Variants in FAS observed in about 807,000 individuals in gnomAD.
FAS encodes the protein tumor necrosis factor receptor superfamily member 6.
A neutral mutation model predicts 33.2 loss-of-function variants in FAS; 5 were observed. That is an observed-to-expected ratio of 0.15 (90% CI 0.08 to 0.32). FAS has a LOEUF of 0.32. Ranked by LOEUF, FAS falls within the 10% of genes least tolerant of loss-of-function variation. FAS has a pLI of 1.00. For missense variants in FAS, 339 were observed against 386.0 expected (o/e 0.88, Z 1.02); for synonymous variants, 131 against 130.7 (o/e 1.00, Z -0.01).
upstream of FAS, chr10:88,989,381 G>T: frequency 1.6e-5 from 6 of 367,234 alleles, no homozygotes; most frequent in Non-Finnish European, 2.2e-5. Context: ...TTTTGGAATA[G>T]TTTTAGGATT....
At chr10:88,968,804 T>G (rs1846368916) in intron 1 of FAS, among the ~76,000 whole-genome samples, 1 of 152,204 alleles carries the variant, frequency 6.6e-6, no homozygotes, top group South Asian at 2.1e-4. Flanking sequence ...CCATAATGTG[T>G]GCATGTTAAA....
chr10:88,991,314 A>C, intron 1 of FAS: 1 of 359,352 alleles, frequency 2.8e-6, no homozygotes, highest in Non-Finnish European at 5.3e-6. Context: ...CTCCTGGACA[A>C]GCCCTGACAA....
intron 2 of FAS, among the ~76,000 whole-genome samples, chr10:88,981,121 G>C (rs988836106): frequency 5.3e-5 from 8 of 152,206 alleles, no homozygotes; most frequent in Non-Finnish European, 7.3e-5. Context: ...ATCCAAGAGA[G>C]AGCGGGGCCA....
At position 89,014,142 on chromosome 10, in the gene FAS, A is replaced by G. The variant is rs962274229; in HGVS notation, c.700A>G (p.Thr234Ala). ...LSDVDLSKYI[T>A]TIAGVMTLSQ... Reference sequence around the variant, plus strand: ...AGATGTTGACTTGAGTAAATATATCACCACTATTGCTGGAGTCATGACACT... The same window carrying G: ...AGATGTTGACTTGAGTAAATATATCGCCACTATTGCTGGAGTCATGACACT... The change falls in exon 9 of 9, where the codon ACC (threonine) becomes GCC (alanine). Residue 234 changes from threonine (T) to alanine (A), a missense_variant. Transcript: ENST00000652046. 6 of 1,613,640 alleles carry G rather than the reference A, an allele frequency of 3.7e-6. No homozygotes were observed. Among genetic ancestry groups the G allele is most frequent in the Non-Finnish European group, 5.1e-6 (6 of 1,179,916 alleles).
chr10:88,980,431 T>C (rs1333710202), intron 2 of FAS, among the ~76,000 whole-genome samples: 1 of 152,086 alleles, frequency 6.6e-6, no homozygotes, highest in African/African-American at 2.4e-5. Flanking sequence ...GCCAGAACTG[T>C]GGTGTCTGGT....
intron 1 of FAS, among the ~76,000 whole-genome samples, chr10:88,966,353 C>T (rs1220342055): frequency 2.6e-5 from 4 of 152,112 alleles, no homozygotes; most frequent in Admixed American, 6.6e-5. Context: ...GGACTGTGGG[C>T]CTGCATTCTA....
chr10:88,986,379 C>T (rs915839859), upstream of FAS, among the ~76,000 whole-genome samples: 1 of 152,220 alleles, frequency 6.6e-6, no homozygotes, highest in African/African-American at 2.4e-5. Context: ...CCAGGGCCCA[C>T]AGAACAGATG....
At chr10:89,012,280 T>G in intron 7 of FAS, 199 bp downstream of exon 7, 1 of 529,896 alleles carries the variant, frequency 1.9e-6, no homozygotes, top group Non-Finnish European at 3.4e-6. Context: ...TGGGCTCAAG[T>G]GATCCTCCTG....
upstream of FAS, chr10:88,990,769 G>T (rs1182348068): frequency 4.8e-6 from 7 of 1,446,478 alleles, no homozygotes; most frequent in Non-Finnish European, 6.8e-6. This position sits in a 1 kb window ranked among gnomAD's most constrained non-coding sequence, Gnocchi z 4.9. Context: ...ACACCCTGAG[G>T]CCAGCCCTGG....
intron 2 of FAS, among the ~76,000 whole-genome samples, chr10:89,006,081 T>C (rs1389590493): frequency 2.0e-5 from 3 of 152,246 alleles, no homozygotes; most frequent in Non-Finnish European, 2.9e-5. Context: ...TAAATTTTGT[T>C]TTCATACTTT....
Position 88,967,401 on chromosome 10 carries a change from T to C in FAS, n.95-5781T>C, listed in dbSNP as rs116459606. Among the ~76,000 whole-genome samples the C allele has an allele frequency of 2.1e-3, 323 of 152,300 alleles. 1 individual carries two copies. Among genetic ancestry groups the C allele is most frequent in the African/African-American group, 7.3e-3 (305 of 41,578 alleles). Reference sequence around the variant, plus strand: ...TCATCTAGCATCTCACCTCAGTTTTTTCATCTATAAAATGAGAAGGATGTA... The same window carrying C: ...TCATCTAGCATCTCACCTCAGTTTTCTCATCTATAAAATGAGAAGGATGTA... On this transcript the variant is annotated intron_variant and non_coding_transcript_variant, in intron 1 of 3. Transcript: ENST00000688239.
chr10:89,006,677 A>G (rs942811413), intron 2 of FAS, among the ~76,000 whole-genome samples: 2 of 152,184 alleles, frequency 1.3e-5, no homozygotes, highest in Middle Eastern at 3.4e-3. Context: ...CTTGATATCA[A>G]TATATTTATT....
intron 8 of FAS, 102 bp downstream of exon 8, chr10:89,013,469 G>C: frequency 8.7e-7 from 1 of 1,143,188 alleles, no homozygotes; most frequent in Non-Finnish European, 1.3e-6. Context: ...CATATTATGG[G>C]ATCTTGTTAT....
upstream of FAS, among the ~76,000 whole-genome samples, chr10:88,985,869 T>C (rs1198669181): frequency 6.6e-6 from 1 of 152,200 alleles, no homozygotes; most frequent in Non-Finnish European, 1.5e-5. Context: ...AAGCCAACCT[T>C]TCCAGAAGTA....
upstream of FAS, among the ~76,000 whole-genome samples, chr10:88,983,311 A>C (rs977990636): frequency 6.6e-6 from 1 of 152,174 alleles, no homozygotes; most frequent in African/African-American, 2.4e-5. Context: ...TATGACCCGG[A>C]ATTTAAGAAA....
At position 89,014,398 on chromosome 10, in the gene FAS, C is replaced by T. The variant is rs372459755; in HGVS notation, c.956C>T (p.Thr319Ile). Residue 319 changes from threonine to isoleucine, a missense_variant, in exon 9 of 9, where the codon ACT becomes ATT. Transcript: ENST00000652046. ...CAGACTATCATCCTCAAGGACATTA[C>T]TAGTGACTCAGAAAATTCAAACTTC... is the stretch of plus-strand genomic sequence containing the variant. ...KIQTIILKDI[T>I]SDSENSNFRN... is the part of the protein sequence containing the mutation. 7.9e-5 allele frequency: 128 copies of T among 1,613,054 alleles called. 3 individuals are homozygous for T. Among genetic ancestry groups the T allele is most frequent in the Middle Eastern group, 3.3e-4 (2 of 6,058 alleles).
exon 2 of FAS, chr10:88,973,307 G>T: frequency 6.3e-7 from 1 of 1,597,916 alleles, no homozygotes; most frequent in Non-Finnish European, 8.5e-7. Flanking sequence ...CATCTGAACA[G>T]CTCTGAGAGA....
At chr10:89,012,837 A>G (rs1318805844) in intron 7 of FAS, 3 of 153,956 alleles carry the variant, frequency 1.9e-5, no homozygotes, top group Admixed American at 6.5e-5. Context: ...ACATGGTATC[A>G]ATATATTTCA....
chr10:88,993,486 G>T (rs1847394709), intron 1 of FAS, among the ~76,000 whole-genome samples: 1 of 152,110 alleles, frequency 6.6e-6, no homozygotes, highest in African/African-American at 2.4e-5. Context: ...GCCCCAACAG[G>T]TTTTGTCTTG....
Sources: allele counts gnomAD v4.1 joint callset (sites outside exome capture counted in the v4.1 genomes callset), GRCh38; gene constraint gnomAD v4.1.1; non-coding constraint Gnocchi (gnomAD v3.1); transcripts MANE v1.5; gene names NCBI Gene and HGNC (gene_info 2026-07-23, HGNC 2026-07-21).